CNIH3: variants seen among roughly 807,000 people sequenced by gnomAD.
CNIH3 encodes the protein protein cornichon homolog 3.
A neutral mutation model predicts 24.1 loss-of-function variants in CNIH3; 14 were observed. The observed-to-expected ratio is 0.58, with a 90% confidence interval of 0.38 to 0.91. The LOEUF is 0.91. Ranked by LOEUF, CNIH3 falls within the 40% of genes least tolerant of loss-of-function variation. The pLI is 0.00. For missense variants in CNIH3, 178 were observed against 196.8 expected (o/e 0.90, Z 0.57); for synonymous variants, 68 against 73.8 (o/e 0.92, Z 0.40).
chr1:224,738,225 C>T (rs923902788), intron 5 of CNIH3, among the ~76,000 whole-genome samples: 1 of 152,198 alleles, frequency 6.6e-6, no homozygotes, highest in African/African-American at 2.4e-5. Context: ...ACCATTTTCC[C>T]CAGCACTGAG....
At chr1:224,435,239 A>G (rs1245325703) in intron 1 of CNIH3, 1 of 983,960 alleles carries the variant, frequency 1.0e-6, no homozygotes, top group Non-Finnish European at 1.2e-6. Flanking sequence ...ACTTCCAGGC[A>G]CAGGGCTGTG....
intron 1 of CNIH3, among the ~76,000 whole-genome samples, chr1:224,480,526 C>T (rs1218088737): frequency 6.6e-6 from 1 of 152,188 alleles, no homozygotes; most frequent in African/African-American, 2.4e-5. Context: ...GCTCTGCTTC[C>T]CTTATAAAAC....
At chr1:224,572,515 T>TAA (rs772549317) in intron 4 of CNIH3, among the ~76,000 whole-genome samples, 2 of 114,096 alleles carry the variant, frequency 1.8e-5, no homozygotes, top group African/African-American at 3.3e-5. Context: ...AACTCCATCT[T>TAA]AAAAAAAAAA....
intron 3 of CNIH3, among the ~76,000 whole-genome samples, chr1:224,688,273 TTCTG>T (rs570280611): frequency 6.6e-6 from 1 of 152,242 alleles, no homozygotes; most frequent in Non-Finnish European, 1.5e-5. Context: ...TTATAGGTGC[TTCTG>T]TCTGTCTGGC....
At chr1:224,515,688 T>C (rs1678351834), upstream of CNIH3, 1 of 152,220 alleles carries the variant, frequency 6.6e-6, no homozygotes, top group Middle Eastern at 3.2e-3. Context: ...TTGGGGATAG[T>C]TAAACATGGG....
chr1:224,542,252 G>A (rs1446649096), downstream of CNIH3, among the ~76,000 whole-genome samples: 1 of 152,166 alleles, frequency 6.6e-6, no homozygotes, highest in Non-Finnish European at 1.5e-5. Flanking sequence ...CTATTTGTAG[G>A]AAGCAACATT....
At chr1:224,596,137 A>T (rs1045337512) in intron 3 of CNIH3, among the ~76,000 whole-genome samples, 5 of 152,268 alleles carry the variant, frequency 3.3e-5, no homozygotes, top group African/African-American at 4.8e-5. Flanking sequence ...GGCATCTTTC[A>T]TAGCTAGAGA....
intron 1 of CNIH3, among the ~76,000 whole-genome samples, chr1:224,518,193 C>G (rs1459105284): frequency 9.8e-5 from 15 of 152,334 alleles, no homozygotes; most frequent in Non-Finnish European, 2.9e-5. Flanking sequence ...ATTCATGAAC[C>G]TCGTACTTTA....
At chr1:224,686,469 G>A (rs983720799) in intron 3 of CNIH3, among the ~76,000 whole-genome samples, 6 of 152,118 alleles carry the variant, frequency 3.9e-5, no homozygotes, top group African/African-American at 1.2e-4. Flanking sequence ...GTAAACATAC[G>A]TGTGCATGTG....
At chr1:224,675,993 T>C (rs1686119965) in intron 1 of CNIH3, among the ~76,000 whole-genome samples, 1 of 152,234 alleles carries the variant, frequency 6.6e-6, no homozygotes, top group Non-Finnish European at 1.5e-5. Flanking sequence ...CCCCCTCCTA[T>C]TTCTCCAAGG....
intron 3 of CNIH3, among the ~76,000 whole-genome samples, chr1:224,562,747 CTT>C (rs1412304059): frequency 1.2e-4 from 19 of 152,196 alleles, no homozygotes; most frequent in African/African-American, 4.6e-4. Context: ...CTGTCTCTCT[CTT>C]GCCCCGTCCC....
intron 4 of CNIH3, chr1:224,574,844 C>T (rs1680967821): frequency 1.1e-6 from 1 of 925,982 alleles, no homozygotes; most frequent in African/African-American, 1.6e-5. Flanking sequence ...TTCCCAGTAA[C>T]AGTAACATTC....
chr1:224,574,868 G>A (rs1260226315), intron 4 of CNIH3: 12 of 986,872 alleles, frequency 1.2e-5, no homozygotes, highest in Admixed American at 1.7e-5. Flanking sequence ...ACACATGGGC[G>A]GGCATGGAAG....
intron 2 of CNIH3, among the ~76,000 whole-genome samples, chr1:224,533,248 A>T (rs1443858986): frequency 6.6e-6 from 1 of 151,078 alleles, no homozygotes; most frequent in African/African-American, 2.5e-5. Flanking sequence ...GTCTCTACAA[A>T]AAAAAAAAAT....
At chr1:224,495,327 T>C (rs754597752) in intron 1 of CNIH3, among the ~76,000 whole-genome samples, 40 of 152,108 alleles carry the variant, frequency 2.6e-4, no homozygotes, top group Non-Finnish European at 2.5e-4. Flanking sequence ...ATACCTTGAG[T>C]TTTGTCAATC....
chr1:224,667,925 G>A (rs1685675265), intron 1 of CNIH3, among the ~76,000 whole-genome samples: 1 of 152,126 alleles, frequency 6.6e-6, no homozygotes, highest in Non-Finnish European at 1.5e-5. Flanking sequence ...TATAGTGGCC[G>A]CTCCCATGGA....
chr1:224,668,025 C>T (rs1241897144), intron 1 of CNIH3, among the ~76,000 whole-genome samples: 3 of 152,158 alleles, frequency 2.0e-5, no homozygotes, highest in Non-Finnish European at 4.4e-5. Flanking sequence ...ATACAGAATA[C>T]ACATTTTGTA....
intron 1 of CNIH3, among the ~76,000 whole-genome samples, chr1:224,449,900 A>G (rs1431711363): frequency 6.6e-6 from 1 of 151,970 alleles, no homozygotes; most frequent in Non-Finnish European, 1.5e-5. Context: ...GCCTGCTTTC[A>G]GTTGTGGATA....
intron 2 of CNIH3, chr1:224,529,469 C>A (rs1465923102): frequency 6.6e-6 from 1 of 152,036 alleles, no homozygotes; most frequent in Admixed American, 6.5e-5. Flanking sequence ...TCTTACCAGG[C>A]CGGGGGTTTT....
Sources: gnomAD v4.1 joint callset for allele counts (sites outside exome capture counted in the v4.1 genomes callset) on GRCh38, gnomAD v4.1.1 for gene constraint, MANE v1.5 for transcripts, NCBI Gene and HGNC (gene_info 2026-07-23, HGNC 2026-07-21) for gene names.